Variants in TTC28 observed in about 807,000 individuals in gnomAD.
TTC28 encodes tetratricopeptide repeat protein 28.
A neutral mutation model predicts 198.0 loss-of-function variants in TTC28; 61 were observed. The ratio of observed to expected loss-of-function variants is 0.31; its 90% CI spans 0.25 to 0.38. The LOEUF (loss-of-function observed/expected upper bound fraction) is 0.38. TTC28 is among the 10% of genes least tolerant of loss of function. The pLI, the probability that TTC28 is intolerant of heterozygous loss-of-function variation, is 1.00. For synonymous variants in TTC28, 1,171 were observed against 1,297.8 expected (o/e 0.90, Z 2.10); for missense variants, 2,678 against 3,164.0 (o/e 0.85, Z 3.69).
At chr22:28,182,276 A>C (rs1266154062) in intron 5 of TTC28, among the ~76,000 whole-genome samples, 3 of 152,222 alleles carry the variant, frequency 2.0e-5, no homozygotes, top group Non-Finnish European at 4.4e-5. Context: ...CTATCCAATC[A>C]AAACTGTTCC....
At chr22:28,464,991 T>C (rs1212122752) in intron 2 of TTC28, among the ~76,000 whole-genome samples, 1 of 152,216 alleles carries the variant, frequency 6.6e-6, no homozygotes, top group South Asian at 2.1e-4. Context: ...CTTTCCATTT[T>C]TATAGACTCC....
chr22:28,205,797 A>G (rs1926354153), intron 5 of TTC28, among the ~76,000 whole-genome samples: 1 of 152,090 alleles, frequency 6.6e-6, no homozygotes, highest in South Asian at 2.1e-4. Flanking sequence ...TATGAGCCAC[A>G]TTTATTTCAC....
chr22:28,657,096 G>A (rs1157041832), intron 1 of TTC28, among the ~76,000 whole-genome samples: 1 of 152,160 alleles, frequency 6.6e-6, no homozygotes, highest in Admixed American at 6.5e-5. Context: ...AGACAAGCTA[G>A]TATTCCCACT....
intron 2 of TTC28, among the ~76,000 whole-genome samples, chr22:28,386,043 G>A (rs977543103): frequency 6.6e-6 from 1 of 151,634 alleles, no homozygotes; most frequent in East Asian, 1.9e-4. Context: ...TTGGGAGGCC[G>A]AGGCGGGCGG....
intron 1 of TTC28, among the ~76,000 whole-genome samples, chr22:28,636,767 G>A (rs1219319967): frequency 6.6e-6 from 1 of 151,982 alleles, no homozygotes; most frequent in Admixed American, 6.6e-5. Flanking sequence ...ATATATTTTG[G>A]ATATTAACCC....
intron 2 of TTC28, among the ~76,000 whole-genome samples, chr22:28,541,596 A>C (rs2049412101): frequency 2.0e-5 from 3 of 152,224 alleles, no homozygotes; most frequent in African/African-American, 7.2e-5. Flanking sequence ...AAAAAGTAGA[A>C]TGTAAAACAT....
rs190867484 is a variant in TTC28 at position 28,674,449 on chromosome 22, T to A, written c.102+5173A>T. Among the ~76,000 whole-genome samples the A allele has an allele frequency of 2.2e-3, 328 of 152,256 alleles. 2 individuals are homozygous for A. The Middle Eastern group carries it at 0.044, about 21-fold the overall frequency. On this transcript the variant is annotated intron_variant, in intron 1 of 22. Coordinates refer to ENST00000397906, the MANE Select transcript of TTC28 (RefSeq NM_001145418.2). Reference sequence around the variant, plus strand: ...GCATTGTTCTAAATATATACCTACATCCTCTTTTATTTAACAATTCTTTGG... The same window carrying A: ...GCATTGTTCTAAATATATACCTACAACCTCTTTTATTTAACAATTCTTTGG...
chr22:28,063,020 T>C (rs1424927710), intron 12 of TTC28, among the ~76,000 whole-genome samples: 2 of 152,202 alleles, frequency 1.3e-5, no homozygotes, highest in Non-Finnish European at 2.9e-5. Context: ...TATACTCTTC[T>C]GAAGAGTATT....
chr22:28,043,467 C>G (rs1009359712), intron 12 of TTC28, among the ~76,000 whole-genome samples: 1 of 151,816 alleles, frequency 6.6e-6, no homozygotes, highest in African/African-American at 2.4e-5. Context: ...AGCACAGGAG[C>G]CATCCAAGGT....
intron 2 of TTC28, among the ~76,000 whole-genome samples, chr22:28,411,745 A>C (rs1293001945): frequency 6.6e-6 from 1 of 152,238 alleles, no homozygotes; most frequent in Non-Finnish European, 1.5e-5. Flanking sequence ...TATACCTAGC[A>C]GTGTATAAGG....
At chr22:28,675,542 A>C (rs2051969068) in intron 1 of TTC28, among the ~76,000 whole-genome samples, 1 of 152,202 alleles carries the variant, frequency 6.6e-6, no homozygotes, top group African/African-American at 2.4e-5. Context: ...ACTTGAGCCC[A>C]GGAGTTCCAG....
At chr22:28,316,976 G>T (rs1253592294) in intron 2 of TTC28, among the ~76,000 whole-genome samples, 1 of 151,902 alleles carries the variant, frequency 6.6e-6, no homozygotes, top group Admixed American at 6.6e-5. Context: ...ATCTCGCTAT[G>T]TTATCTAGGC....
rs981873058 is a variant in TTC28, at chr22:28,163,223, T to A, written c.1310A>T (p.Tyr437Phe). 9.0e-6 allele frequency: 14 copies of A among 1,551,788 alleles called. No homozygotes were observed. The highest frequency in any genetic ancestry group is 1.2e-5 in the Non-Finnish European group (14 of 1,147,016). ...LMEKAIEMRA[Y>F]AGLGHAARCM... Reference sequence around the variant, plus strand: ...CCTGGCAGCATGGCCTAGTCCAGCATAGGCCCGCATCTCAATAGCCTTCTC... The same window carrying A: ...CCTGGCAGCATGGCCTAGTCCAGCAAAGGCCCGCATCTCAATAGCCTTCTC... The change falls in exon 6 of 23, where the codon TAT becomes TTT. Residue 437 changes from tyrosine (Y) to phenylalanine (F), a missense_variant. By Grantham distance (22) the Tyr-to-Phe change is conservative. This residue lies in a region of TTC28 where 775 missense variants were observed against 845.9 expected (regional missense o/e 0.92). Coordinates refer to ENST00000397906, the MANE Select transcript of TTC28 (RefSeq NM_001145418.2).
chr22:28,182,174 C>T (rs1034578893), intron 5 of TTC28, among the ~76,000 whole-genome samples: 4 of 152,144 alleles, frequency 2.6e-5, no homozygotes, highest in Non-Finnish European at 2.9e-5. Context: ...GGGTGTGTAA[C>T]CTAGCTTCAT....
rs755478517 is a variant in TTC28, at chr22:28,497,402, T to C, written c.381+132150A>G. Among the ~76,000 whole-genome samples the C allele has an allele frequency of 2.6e-5, 4 of 152,330 alleles. No homozygotes were observed. The Middle Eastern group carries it at 0.01, about 389-fold the overall frequency. ...ACATAGCTCAGCTATGCAAAGCATTTACACAGTCATAATAAATACTGATTT... is the reference window on the plus strand; with the variant it reads ...ACATAGCTCAGCTATGCAAAGCATTCACACAGTCATAATAAATACTGATTT... On this transcript the variant is annotated intron_variant, in intron 2 of 22. Coordinates refer to ENST00000397906, the MANE Select transcript of TTC28 (RefSeq NM_001145418.2).
chr22:28,592,460 G>A (rs573667541), intron 2 of TTC28, among the ~76,000 whole-genome samples: 6 of 152,098 alleles, frequency 3.9e-5, no homozygotes, highest in Admixed American at 3.3e-4. Flanking sequence ...AGACCAGCCT[G>A]ATCAACACAA....
chr22:28,304,774 A>C (rs2045102895), intron 3 of TTC28, among the ~76,000 whole-genome samples: 1 of 152,190 alleles, frequency 6.6e-6, no homozygotes, highest in Non-Finnish European at 1.5e-5. Context: ...CTCAGAATAA[A>C]GAGGTAGTAT....
intron 6 of TTC28, among the ~76,000 whole-genome samples, chr22:28,154,178 T>C (rs1267762395): frequency 1.3e-5 from 2 of 152,178 alleles, no homozygotes; most frequent in African/African-American, 4.8e-5. Context: ...GCCTTCAGTC[T>C]AGTAACCTAC....
chr22:27,991,096 G>A (rs932389073), intron 19 of TTC28, among the ~76,000 whole-genome samples: 5 of 152,074 alleles, frequency 3.3e-5, no homozygotes, highest in Non-Finnish European at 4.4e-5. Flanking sequence ...AGAGCACAGC[G>A]GGCGTTTGTA....
Sources: allele counts gnomAD v4.1 joint callset (sites outside exome capture counted in the v4.1 genomes callset), GRCh38; gene constraint gnomAD v4.1.1; regional missense constraint gnomAD v4.1.1; transcripts MANE v1.5; gene names NCBI Gene and HGNC (gene_info 2026-07-23, HGNC 2026-07-21).